The following COX7B2 variants were observed in gnomAD, a reference collection of about 807,000 sequenced individuals.
The protein encoded by COX7B2 is cytochrome c oxidase subunit 7B2, mitochondrial.
For synonymous variants in COX7B2, 37 were observed against 32.1 expected, an observed-to-expected ratio of 1.15 and a Z score of -0.51; for missense variants, 109 against 95.9, an observed-to-expected ratio of 1.14 and a Z score of -0.57.
intron 1 of COX7B2, among the ~76,000 whole-genome samples, chr4:46,853,961 T>A (rs1214833937): frequency 2.6e-5 from 4 of 152,128 alleles, no homozygotes; most frequent in Non-Finnish European, 4.4e-5. Flanking sequence ...AATAATTAAA[T>A]GTCTTACTTG....
chr4:46,744,147 G>T (rs917771255), intron 2 of COX7B2, among the ~76,000 whole-genome samples: 4 of 151,344 alleles, frequency 2.6e-5, no homozygotes, highest in Admixed American at 2.0e-4. Context: ...GACCCTTCTT[G>T]TTTTAAAGCT....
intron 2 of COX7B2, among the ~76,000 whole-genome samples, chr4:46,760,898 A>C (rs1313298213): frequency 6.6e-6 from 1 of 152,142 alleles, no homozygotes. Context: ...AATATGAAAA[A>C]AGTTTTTGAT....
chr4:46,763,046 ATT>A (rs1716294988), intron 2 of COX7B2, among the ~76,000 whole-genome samples: 1 of 106,680 alleles, frequency 9.4e-6, no homozygotes, highest in African/African-American at 3.7e-5. Flanking sequence ...TATATTATAT[ATT>A]ATAATATGTA....
intron 1 of COX7B2, among the ~76,000 whole-genome samples, chr4:46,848,667 C>T (rs550973129): frequency 2.0e-5 from 3 of 151,924 alleles, no homozygotes; most frequent in African/African-American, 4.8e-5. Flanking sequence ...TAAAAAATAG[C>T]GTATTTAAAG....
Position 46,761,063 on chromosome 4 carries a change from G to T in COX7B2, c.-49-25822C>A, listed in dbSNP as rs138006626. On this transcript the variant is annotated intron_variant, in intron 2 of 2. Transcript: ENST00000355591. ...CATTACTTTGTCACCTGAGCTGGCT[G>T]CAAATCAAACACAGGACAACTTCTT... is the stretch of plus-strand genomic sequence containing the variant. Among the ~76,000 whole-genome samples the T allele has an allele frequency of 1.2e-3, 184 of 152,208 alleles. 1 individual carries two copies. Among genetic ancestry groups the T allele is most frequent in the Admixed American group, 2.3e-3 (35 of 15,260 alleles).
At chr4:46,822,031 C>T (rs1714335562) in intron 2 of COX7B2, among the ~76,000 whole-genome samples, 1 of 152,158 alleles carries the variant, frequency 6.6e-6, no homozygotes, top group African/African-American at 2.4e-5. Context: ...CCTGCCTCAG[C>T]CTCCTGAGTA....
chr4:46,779,202 G>A (rs1717313032), intron 2 of COX7B2, among the ~76,000 whole-genome samples: 2 of 152,124 alleles, frequency 1.3e-5, no homozygotes, highest in Admixed American at 6.6e-5. Flanking sequence ...GCAACCCAAA[G>A]AGGCAATGCT....
intron 2 of COX7B2, among the ~76,000 whole-genome samples, chr4:46,760,977 T>C (rs1048021575): frequency 6.6e-6 from 1 of 152,192 alleles, no homozygotes; most frequent in Non-Finnish European, 1.5e-5. Context: ...AACTATGCCT[T>C]CCTACTGGAC....
At chr4:46,750,021 C>G (rs914657817) in intron 2 of COX7B2, among the ~76,000 whole-genome samples, 10 of 152,118 alleles carry the variant, frequency 6.6e-5, no homozygotes, top group African/African-American at 1.7e-4. Context: ...ACTGGGTGTA[C>G]ATTCCTATTC....
At chr4:46,849,836 G>A (rs776131713) in intron 1 of COX7B2, among the ~76,000 whole-genome samples, 17 of 151,774 alleles carry the variant, frequency 1.1e-4, no homozygotes, top group Admixed American at 8.5e-4. Flanking sequence ...ATCCCTCCCC[G>A]CTCCCCTCAC....
chr4:46,772,611 A>C (rs759320530), intron 2 of COX7B2, among the ~76,000 whole-genome samples: 23 of 152,138 alleles, frequency 1.5e-4, no homozygotes, highest in Non-Finnish European at 2.4e-4. Context: ...AAGGAGGAAA[A>C]AAGAAAGAAA....
At chr4:46,760,508 G>A (rs568219646) in intron 2 of COX7B2, among the ~76,000 whole-genome samples, 2 of 152,176 alleles carry the variant, frequency 1.3e-5, no homozygotes, top group South Asian at 4.2e-4. Flanking sequence ...GTTGAACAAT[G>A]AGAACACATG....
intron 2 of COX7B2, among the ~76,000 whole-genome samples, chr4:46,745,874 G>A (rs1016416845): frequency 3.3e-5 from 5 of 152,110 alleles, no homozygotes; most frequent in African/African-American, 1.2e-4. Flanking sequence ...TTTCAGAGAG[G>A]TTACAAGGTT....
chr4:46,860,784 CTTTA>C (rs1373051913), intron 1 of COX7B2, among the ~76,000 whole-genome samples: 1 of 152,154 alleles, frequency 6.6e-6, no homozygotes, highest in Non-Finnish European at 1.5e-5. Context: ...TCCCTGCCAA[CTTTA>C]TTTGAGCAAT....
intron 2 of COX7B2, among the ~76,000 whole-genome samples, chr4:46,815,301 T>C (rs576648222): frequency 1.1e-4 from 16 of 152,316 alleles, no homozygotes; most frequent in African/African-American, 3.8e-4. Flanking sequence ...TGGTATCTAT[T>C]AATTTTGTGA....
In COX7B2 at chr4:46,760,872, A is replaced by G. The variant is rs924458075; in HGVS notation, c.-49-25631T>C. Among the ~76,000 whole-genome samples, 11 of 152,342 alleles carry G rather than the reference A, an allele frequency of 7.2e-5. No homozygotes were observed. In the East Asian group the frequency reaches 1.9e-3, roughly 27 times the overall value. ...CTTAGTTAAGTGTTCAAAATTCAAC[A>G]AAGAAATGAAGAAAGAATATGAAAA... On this transcript the variant is annotated intron_variant, in intron 2 of 2. Transcript: ENST00000355591.
At chr4:46,897,365 A>C (rs1213835554) in intron 1 of COX7B2, among the ~76,000 whole-genome samples, 1 of 151,982 alleles carries the variant, frequency 6.6e-6, no homozygotes, top group Non-Finnish European at 1.5e-5. Flanking sequence ...AATCAATCCA[A>C]CACCAGCTCA....
intron 1 of COX7B2, among the ~76,000 whole-genome samples, chr4:46,855,653 A>G (rs533620040): frequency 3.5e-4 from 54 of 152,150 alleles, no homozygotes; most frequent in Non-Finnish European, 7.2e-4. Context: ...CATGTAAATA[A>G]CAAGACCCAA....
At chr4:46,807,831 G>T (rs554530316) in intron 2 of COX7B2, among the ~76,000 whole-genome samples, 1 of 151,896 alleles carries the variant, frequency 6.6e-6, no homozygotes, top group Non-Finnish European at 1.5e-5. Flanking sequence ...TTAGTTGATA[G>T]TATATATTTA....
Sources: gnomAD v4.1 joint callset for allele counts (sites outside exome capture counted in the v4.1 genomes callset) on GRCh38, gnomAD v4.1.1 for gene constraint, MANE v1.5 for transcripts, NCBI Gene and HGNC (gene_info 2026-07-23, HGNC 2026-07-21) for gene names.